The following MAP4K3 variants were observed in gnomAD, a reference collection of about 807,000 sequenced individuals.
MAP4K3 encodes mitogen-activated protein kinase kinase kinase kinase 3, also known as MAPK/ERK kinase kinase kinase 3.
In MAP4K3, 94 loss-of-function variants were observed where a neutral mutation model predicts 143.5. The observed-to-expected ratio is 0.65, with a 90% CI of 0.55 to 0.78. MAP4K3 has a LOEUF of 0.78. Ranked by LOEUF, MAP4K3 falls within the 30% of genes least tolerant of loss-of-function variation. The probability of loss-of-function intolerance (pLI) is 0.00; values close to 1 mark genes in which losing one functional copy is unlikely to be tolerated. For synonymous variants in MAP4K3, 416 were observed against 347.2 expected (o/e 1.20, Z -2.20); for missense variants, 1,077 against 1,068.1 (o/e 1.01, Z -0.12).
chr2:39,395,714 C>G (rs1666786178), intron 1 of MAP4K3, among the ~76,000 whole-genome samples: 1 of 152,154 alleles, frequency 6.6e-6, no homozygotes, highest in South Asian at 2.1e-4. Context: ...TTTCAATTTT[C>G]AATTTTCTCA....
intron 15 of MAP4K3, among the ~76,000 whole-genome samples, chr2:39,300,196 A>T (rs1682453438): frequency 6.6e-6 from 1 of 152,208 alleles, no homozygotes; most frequent in Non-Finnish European, 1.5e-5. Context: ...AGTATCTAAA[A>T]TAATTACGTA....
At position 39,436,907 on chromosome 2, in the gene MAP4K3, G is replaced by T; in HGVS notation, c.81C>A (p.Tyr27Ter). The change falls in exon 1 of 34, where the codon TAC becomes TAA. Residue 27 changes from tyrosine to a stop codon, truncating the protein, a stop_gained. Transcript: ENST00000263881. LOFTEE classifies it high-confidence loss of function. ...ELIQRIGSGT[Y>*]GDVYKARNVN... ...CTGCCTTTACCTTGTAGACGTCGCC[G>T]TAGGTGCCGCTGCCGATGCGCTGAA... is the stretch of plus-strand genomic sequence containing the variant. 1 of 1,611,370 alleles carries T rather than the reference G, an allele frequency of 6.2e-7. No homozygotes were observed. The highest frequency in any genetic ancestry group is 8.5e-7 in the Non-Finnish European group (1 of 1,179,094).
intron 26 of MAP4K3, among the ~76,000 whole-genome samples, chr2:39,268,785 A>AT (rs1182292724): frequency 1.4e-4 from 21 of 151,810 alleles, no homozygotes; most frequent in African/African-American, 5.1e-4. Flanking sequence ...GATTACAGGC[A>AT]TCAGCCACCA....
chr2:39,402,148 AT>A (rs1221033598), intron 1 of MAP4K3, among the ~76,000 whole-genome samples: 3 of 152,196 alleles, frequency 2.0e-5, no homozygotes, highest in Non-Finnish European at 2.9e-5. Flanking sequence ...GAAAACTAAA[AT>A]AACTGAGATT....
At chr2:39,354,941 A>C (rs1665564365) in intron 3 of MAP4K3, among the ~76,000 whole-genome samples, 1 of 152,134 alleles carries the variant, frequency 6.6e-6, no homozygotes, top group Non-Finnish European at 1.5e-5. Context: ...AAAACTGAAG[A>C]GTTTTTTTAA....
Position 39,325,800 on chromosome 2 carries a change from A to C in MAP4K3, c.737T>G (p.Phe246Cys). Reference protein sequence around the residue: ...LKDKMKWSNSFHHFVKMALTK... With the variant: ...LKDKMKWSNSCHHFVKMALTK... ...AAGTGCCATTTTCACAAAGTGATGA[A>C]AACTATTTGACCTAAGAAATTTAGA... The change falls in exon 11 of 34, where the codon TTT becomes TGT. Residue 246 changes from phenylalanine (F) to cysteine (C), a missense_variant. By Grantham distance (205) the Phe-to-Cys change is radical (BLOSUM62 -2). This residue lies in a region of MAP4K3 where 864 missense variants were observed against 801.2 expected (regional missense o/e 1.08). Transcript: ENST00000263881. 6.2e-7 allele frequency: 1 copy of C among 1,607,440 alleles called. No individual in the cohort carries two copies. The highest frequency in any genetic ancestry group is 8.5e-7 in the Non-Finnish European group (1 of 1,177,494).
chr2:39,360,408 TA>T (rs1665733802), intron 2 of MAP4K3, among the ~76,000 whole-genome samples: 1 of 152,228 alleles, frequency 6.6e-6, no homozygotes, highest in African/African-American at 2.4e-5. Flanking sequence ...TTCTGAGCCC[TA>T]CAAGTCTCTC....
chr2:39,373,186 G>C (rs1463508913), intron 2 of MAP4K3, among the ~76,000 whole-genome samples: 1 of 152,076 alleles, frequency 6.6e-6, no homozygotes, highest in East Asian at 1.9e-4. Context: ...ATATGAAAAG[G>C]TGCTCAACAT....
chr2:39,307,827 G>C, intron 15 of MAP4K3, 116 bp downstream of exon 15: 1 of 693,120 alleles, frequency 1.4e-6, no homozygotes, highest in South Asian at 3.6e-5. Context: ...ATAGAAGTTT[G>C]CTAAATGATA....
At chr2:39,313,105 T>C (rs2148502891) in intron 13 of MAP4K3, among the ~76,000 whole-genome samples, 1 of 152,306 alleles carries the variant, frequency 6.6e-6, no homozygotes, top group East Asian at 1.9e-4. Context: ...CTCTTCAAAT[T>C]CCCTAAAGTT....
chr2:39,295,705 C>T (rs893184105), intron 16 of MAP4K3, among the ~76,000 whole-genome samples: 46 of 144,632 alleles, frequency 3.2e-4, no homozygotes, highest in Admixed American at 8.5e-4. Context: ...ATATTGCATT[C>T]GCATTCCATG....
At chr2:39,388,070 C>T (rs879818443) in intron 1 of MAP4K3, among the ~76,000 whole-genome samples, 1 of 152,090 alleles carries the variant, frequency 6.6e-6, no homozygotes, top group East Asian at 1.9e-4. Flanking sequence ...AAAAATGGAC[C>T]TGTTCCATAT....
intron 1 of MAP4K3, among the ~76,000 whole-genome samples, chr2:39,422,057 G>A (rs1312861463): frequency 6.6e-6 from 1 of 151,184 alleles, no homozygotes; most frequent in African/African-American, 2.4e-5. Flanking sequence ...AACTTGAGAA[G>A]AGGGATTACA....
chr2:39,327,771 C>G (rs953267233), intron 8 of MAP4K3, among the ~76,000 whole-genome samples: 1 of 151,566 alleles, frequency 6.6e-6, no homozygotes, highest in African/African-American at 2.4e-5. Flanking sequence ...TGACTAGATT[C>G]CAAGTAGCTG....
rs549245848 is a variant in MAP4K3, at chr2:39,315,519, T to A, written c.919-131A>T. 7.6e-3 allele frequency: 1,501 copies of A among 196,334 alleles called. 12 individuals are homozygous for A. The highest frequency in any genetic ancestry group is 0.01 in the Non-Finnish European group (1,275 of 122,940). The allele number at this position is 196,334 out of a possible 1,614,324, so 12.2% of individuals were successfully genotyped here. ...GAAAGCAAAACAGCACTTTGCAAAT[T>A]TTTTTTTTTTAAAAAAGCAAACCAC... On this transcript the variant is annotated intron_variant, in intron 12 of 33. Transcript: ENST00000263881.
chr2:39,313,001 T>C (rs1429934464), intron 13 of MAP4K3, among the ~76,000 whole-genome samples: 2 of 152,218 alleles, frequency 1.3e-5, no homozygotes, highest in African/African-American at 4.8e-5. Flanking sequence ...TCAGTATCAC[T>C]GTACCTGAAC....
intron 12 of MAP4K3, chr2:39,323,840 A>G (rs1245206999): frequency 6.6e-6 from 1 of 152,214 alleles, no homozygotes; most frequent in African/African-American, 2.4e-5. Flanking sequence ...AATATTTATA[A>G]TACACTGTAA....
intron 15 of MAP4K3, among the ~76,000 whole-genome samples, chr2:39,302,183 G>C (rs1264199491): frequency 6.6e-6 from 1 of 152,084 alleles, no homozygotes; most frequent in African/African-American, 2.4e-5. Flanking sequence ...GGCCAGGAAA[G>C]AAGTTGTAGA....
At chr2:39,378,266 G>T in intron 1 of MAP4K3, 143 bp from the exon 2 acceptor site, 1 of 565,418 alleles carries the variant, frequency 1.8e-6, no homozygotes, top group Non-Finnish European at 3.1e-6. Flanking sequence ...AAAACAAATA[G>T]TTTTTCCTTC....
Sources: gnomAD v4.1 joint callset for allele counts (sites outside exome capture counted in the v4.1 genomes callset) on GRCh38, gnomAD v4.1.1 for gene constraint, gnomAD v4.1.1 regional missense constraint, MANE v1.5 for transcripts, NCBI Gene and HGNC (gene_info 2026-07-23, HGNC 2026-07-21) for gene names.